Variants in LTBP1 observed in about 807,000 individuals in gnomAD.
LTBP1 encodes the protein latent transforming growth factor beta binding protein 1.
A neutral mutation model predicts 207.6 loss-of-function variants in LTBP1; 129 were observed. The ratio of observed to expected loss-of-function variants is 0.62; its 90% confidence interval spans 0.54 to 0.72. The LOEUF (loss-of-function observed/expected upper bound fraction) is 0.72, where lower values mean the gene tolerates loss of function less well. Ranked by LOEUF, LTBP1 falls within the 30% of genes least tolerant of loss-of-function variation. The pLI, the probability that LTBP1 is intolerant of heterozygous loss-of-function variation, is 0.00. For synonymous variants in LTBP1, 963 were observed against 833.7 expected (o/e 1.16, Z -2.67); for missense variants, 2,281 against 2,217.2 (o/e 1.03, Z -0.58).
intron 24 of LTBP1, among the ~76,000 whole-genome samples, chr2:33,341,729 A>AAATATATATATATATATATATATATAT (rs745445793): frequency 2.1e-5 from 2 of 93,624 alleles, no homozygotes; most frequent in African/African-American, 1.0e-4. Flanking sequence ...AAAAAAAAAA[A>AAATATATATATATATATATATATATAT]ATATATATAT....
intron 9 of LTBP1, among the ~76,000 whole-genome samples, chr2:33,235,880 A>C (rs933390434): frequency 6.6e-6 from 1 of 152,144 alleles, no homozygotes; most frequent in African/African-American, 2.4e-5. Flanking sequence ...AGGGAGGGGA[A>C]CATCACACAC....
chr2:32,993,969 A>AGTGT (rs70938383), intron 2 of LTBP1, among the ~76,000 whole-genome samples: 21,702 of 138,244 alleles, frequency 0.16, 1,637 homozygotes, highest in Middle Eastern at 0.21. Flanking sequence ...CAGTTAGGGG[A>AGTGT]GTGTGTGTGT....
intron 3 of LTBP1, among the ~76,000 whole-genome samples, chr2:33,062,289 T>C (rs2077303759): frequency 6.6e-6 from 1 of 152,148 alleles, no homozygotes; most frequent in Non-Finnish European, 1.5e-5. Flanking sequence ...CAGTGTCTTT[T>C]GGTGAGCAGT....
At chr2:33,318,400 T>A (rs1308097427) in intron 24 of LTBP1, among the ~76,000 whole-genome samples, 1 of 152,172 alleles carries the variant, frequency 6.6e-6, no homozygotes, top group African/African-American at 2.4e-5. Flanking sequence ...CCAGGCCTTG[T>A]TCCAAGGGTA....
intron 19 of LTBP1, among the ~76,000 whole-genome samples, chr2:33,288,832 G>A (rs1364726856): frequency 6.7e-6 from 1 of 150,166 alleles, no homozygotes; most frequent in Non-Finnish European, 1.5e-5. Context: ...TCCAGCCTGG[G>A]TGACAGAGCG....
intron 2 of LTBP1, among the ~76,000 whole-genome samples, chr2:32,968,802 C>G (rs1680378020): frequency 6.6e-6 from 1 of 151,196 alleles, no homozygotes; most frequent in Non-Finnish European, 1.5e-5. Context: ...CATCTCACTG[C>G]AACCTCCACC....
intron 26 of LTBP1, 149 bp from the exon 27 acceptor site, chr2:33,360,447 TG>T: frequency 1.9e-6 from 1 of 525,534 alleles, no homozygotes; most frequent in Non-Finnish European, 3.4e-6. Context: ...TATCTCAAAG[TG>T]GAAGAATCTG....
At chr2:32,990,679 C>T (rs553037414) in intron 2 of LTBP1, among the ~76,000 whole-genome samples, 29 of 152,136 alleles carry the variant, frequency 1.9e-4, no homozygotes, top group Non-Finnish European at 3.4e-4. Flanking sequence ...TGGGAGCAAT[C>T]TTCAGATTAC....
chr2:33,247,642 G>T (rs115086255), intron 10 of LTBP1, among the ~76,000 whole-genome samples: 1 of 152,192 alleles, frequency 6.6e-6, no homozygotes, highest in Non-Finnish European at 1.5e-5. Flanking sequence ...GTTTGCTGAC[G>T]CTCAAGCTAA....
intron 3 of LTBP1, among the ~76,000 whole-genome samples, chr2:33,025,379 GT>G (rs1553373749): frequency 6.6e-6 from 1 of 152,106 alleles, no homozygotes; most frequent in Non-Finnish European, 1.5e-5. Context: ...AGCTCTAAAG[GT>G]TGCTTGAAAA....
intron 7 of LTBP1, among the ~76,000 whole-genome samples, chr2:33,211,608 C>G (rs2090322245): frequency 6.6e-6 from 1 of 152,206 alleles, no homozygotes; most frequent in Admixed American, 6.5e-5. Flanking sequence ...CTTACCACCA[C>G]TGCTGGATCC....
At chr2:33,122,724 G>A (rs964497854) in intron 4 of LTBP1, among the ~76,000 whole-genome samples, 4 of 152,166 alleles carry the variant, frequency 2.6e-5, no homozygotes, top group Admixed American at 2.6e-4. Context: ...GCATATAGTG[G>A]GGTTGCTACA....
intron 2 of LTBP1, among the ~76,000 whole-genome samples, chr2:32,957,856 G>A (rs908566027): frequency 2.0e-4 from 31 of 152,150 alleles, no homozygotes; most frequent in African/African-American, 6.5e-4. Context: ...AATTTTTCCT[G>A]CCTGTTACGG....
At position 33,187,086 on chromosome 2, in the gene LTBP1, CT is replaced by C; in HGVS notation, c.1426+12del. On this transcript the variant is annotated splice_region_variant and intron_variant, in intron 6 of 33. Transcript: ENST00000404816. ...TAGCCAGCAAGGAGTCAAAGGTAAG[CT>C]TTTTTCATTCCGCCCATTTGCCAGA... The C allele has an allele frequency of 1.2e-6, 2 of 1,612,008 alleles. No homozygotes were observed. Among genetic ancestry groups the C allele is most frequent in the Non-Finnish European group, 1.7e-6 (2 of 1,178,288 alleles).
chr2:33,043,673 G>A (rs1465780546), intron 3 of LTBP1, among the ~76,000 whole-genome samples: 2 of 152,100 alleles, frequency 1.3e-5, no homozygotes, highest in African/African-American at 4.8e-5. Flanking sequence ...GGAAGTAGAA[G>A]AAGGAATTTG....
At chr2:32,962,779 A>G (rs1679331206) in intron 2 of LTBP1, among the ~76,000 whole-genome samples, 1 of 152,248 alleles carries the variant, frequency 6.6e-6, no homozygotes, top group Non-Finnish European at 1.5e-5. Context: ...CGTGGCTCTC[A>G]AAGTATAGAC....
At chr2:33,200,660 A>C (rs1469297142) in intron 7 of LTBP1, among the ~76,000 whole-genome samples, 1 of 152,334 alleles carries the variant, frequency 6.6e-6, no homozygotes, top group Admixed American at 6.5e-5. Flanking sequence ...TCTGCACAGC[A>C]AAAGAAGCTA....
At chr2:33,312,679 C>G (rs111942116) in intron 23 of LTBP1, among the ~76,000 whole-genome samples, 1,614 of 150,232 alleles carry the variant, frequency 0.011, 23 homozygotes, top group African/African-American at 0.038. Context: ...TAGCAGTTTC[C>G]TGGAAAAAAA....
intron 5 of LTBP1, among the ~76,000 whole-genome samples, chr2:33,139,080 C>CG (rs2082419138): frequency 6.7e-6 from 1 of 148,736 alleles, no homozygotes; most frequent in Non-Finnish European, 1.5e-5. Context: ...GGATGGTCTC[C>CG]ATCTCCTGAC....
Sources: allele counts gnomAD v4.1 joint callset (sites outside exome capture counted in the v4.1 genomes callset), GRCh38; gene constraint gnomAD v4.1.1; transcripts MANE v1.5; gene names NCBI Gene and HGNC (gene_info 2026-07-23, HGNC 2026-07-21).